The following BPIFA3 variants were observed in gnomAD, a reference collection of about 807,000 sequenced individuals.
BPIFA3 encodes BPI fold-containing family A member 3.
BPIFA3 carries 32 observed loss-of-function variants against 29.7 expected under a neutral mutation model. The ratio of observed to expected loss-of-function variants is 1.08; its 90% confidence interval spans 0.81 to 1.45. The LOEUF is 1.45. BPIFA3 is among the 40% of genes most tolerant of loss of function. The pLI is 0.00. For missense variants in BPIFA3, 323 were observed against 311.3 expected, an observed-to-expected ratio of 1.04 and a Z score of -0.28; for synonymous variants, 112 against 113.7, an observed-to-expected ratio of 0.98 and a Z score of 0.10.
At position 33,224,528 on chromosome 20, in the gene BPIFA3, G is replaced by C. The variant is rs1985685687; in HGVS notation, c.386+66G>C. 8 of 1,323,474 alleles carry C rather than the reference G, an allele frequency of 6.0e-6. No individual in the cohort carries two copies. In the South Asian group the frequency reaches 9.9e-5, roughly 16 times the overall value. 82.0% of individuals were successfully genotyped at this position (1,323,474 alleles called of 1,614,324 possible). A position where few individuals can be genotyped will look rare whatever the true frequency, so the allele number is the denominator to read the frequency against. The stretch of plus-strand genomic sequence containing the variant: ...CCTCGCAGGGAACCTGGGAAATTCA[G>C]ATCTTTCTGATCCCAACCTAAATTC... On this transcript the variant is annotated intron_variant, in intron 3 of 6. Transcript: ENST00000375454.
chr20:33,217,655 T>C lies in BPIFA3; in HGVS notation c.119T>C (p.Leu40Pro), dbSNP rs1371344271. 1 of 1,613,276 alleles carries C rather than the reference T, an allele frequency of 6.2e-7. No homozygotes were observed. ...GCCCACAGAGACAACAAATCCACCC[T>C]GGCAAGAAGTAAGCTAAGCCCCGGG... is the stretch of plus-strand genomic sequence containing the variant. ...AQAHRDNKST[L>P]ARIIAQGLIK... The change falls in exon 1 of 7, where the codon CTG becomes CCG. Residue 40 changes from leucine (L) to proline (P), a missense_variant. Physicochemically the swap from Leu to Pro is moderately conservative, Grantham distance 98. Transcript: ENST00000375454.
chr20:33,226,612 T>C, intron 5 of BPIFA3, 122 bp downstream of exon 5: 1 of 785,156 alleles, frequency 1.3e-6, no homozygotes, highest in East Asian at 2.6e-5. Context: ...AAATCTCAAT[T>C]TAAAATTTCA....
At position 33,227,592 on chromosome 20, in the gene BPIFA3, G is replaced by T; in HGVS notation, c.740G>T (p.Cys247Phe). The stretch of plus-strand genomic sequence containing the variant: ...CATGAAACCAGCCAACCCTCTGCAT[G>T]CCAGGCTGGAGAGTCCCCCAGCTGA... ...THHETSQPSACQAGESPS is the reference protein window; with the variant it reads ...THHETSQPSAFQAGESPS The change falls in exon 7 of 7, where the codon TGC becomes TTC. Residue 247 changes from cysteine to phenylalanine, a missense_variant. By Grantham distance (205) the Cys-to-Phe change is radical (BLOSUM62 -2). Coordinates refer to ENST00000375454, the MANE Select transcript of BPIFA3 (RefSeq NM_178466.5). 3 of 1,614,044 alleles carry T rather than the reference G, an allele frequency of 1.9e-6. No individual in the cohort carries two copies. The highest frequency in any genetic ancestry group is 2.5e-6 in the Non-Finnish European group (3 of 1,179,962).
intron 1 of BPIFA3, among the ~76,000 whole-genome samples, chr20:33,222,346 T>C (rs1300235148): frequency 2.0e-5 from 3 of 152,180 alleles, no homozygotes. Flanking sequence ...CAGAAAGGAA[T>C]TTTCCCCTCT....
rs745723283 is a variant in BPIFA3, at chr20:33,227,584, C to T, written c.732C>T (p.Pro244=). 1.9e-6 allele frequency: 3 copies of T among 1,614,128 alleles called. No homozygotes were observed. Among genetic ancestry groups the T allele is most frequent in the Non-Finnish European group, 2.5e-6 (3 of 1,180,000 alleles). The change falls in exon 7 of 7, where the codon CCC becomes CCT. Residue 244 remains proline (P), a synonymous_variant. Coordinates refer to ENST00000375454, the MANE Select transcript of BPIFA3 (RefSeq NM_178466.5). ...CAACCCACCATGAAACCAGCCAACC[C>T]TCTGCATGCCAGGCTGGAGAGTCCC... ...HEPTHHETSQ[P]SACQAGESPS is the part of the protein sequence containing the mutation.
At position 33,223,879 on chromosome 20, in the gene BPIFA3, C is replaced by T. The variant is rs774006719; in HGVS notation, c.196C>T (p.Leu66=). The part of the protein sequence containing the change: ...RIQNIHFGDR[L]NASAQVAPGL... Reference sequence around the variant, plus strand: ...TCAGAACATCCACTTTGGGGACAGACTGAATGCCTCAGCACAAGTGGCCCC... The same window carrying T: ...TCAGAACATCCACTTTGGGGACAGATTGAATGCCTCAGCACAAGTGGCCCC... Residue 66 remains leucine, a synonymous_variant, in exon 2 of 7, where the codon CTG becomes TTG. Transcript: ENST00000375454. 7.4e-6 allele frequency: 12 copies of T among 1,614,102 alleles called. No individual in the cohort carries two copies. The South Asian group carries it at 1.2e-4, about 16-fold the overall frequency.
intron 4 of BPIFA3, 51 bp downstream of exon 4, chr20:33,225,298 C>A (rs1214488606): frequency 1.2e-6 from 2 of 1,609,668 alleles, no homozygotes; most frequent in East Asian, 4.5e-5. Context: ...CCTGATGAGC[C>A]CCAGCTGCAG....
chr20:33,227,406 T>G, intron 6 of BPIFA3, 132 bp from the exon 7 acceptor site: 1 of 720,152 alleles, frequency 1.4e-6, no homozygotes, highest in African/African-American at 1.8e-5. Flanking sequence ...TTCAGCATCA[T>G]TTGGGGAGGG....
chr20:33,217,883 G>A (rs914742019), intron 1 of BPIFA3, among the ~76,000 whole-genome samples: 2 of 152,146 alleles, frequency 1.3e-5, no homozygotes, highest in African/African-American at 4.8e-5. Flanking sequence ...TCCCCCTTTT[G>A]TTTTATTTTC....
At chr20:33,226,355 A>G in intron 4 of BPIFA3, 51 bp from the exon 5 acceptor site, 2 of 1,347,724 alleles carry the variant, frequency 1.5e-6, no homozygotes, top group Non-Finnish European at 2.1e-6. Context: ...CCTGGCTTTA[A>G]TATTGCCTGG....
intron 4 of BPIFA3, 191 bp from the exon 5 acceptor site, chr20:33,226,215 C>T: frequency 1.8e-6 from 1 of 551,518 alleles, no homozygotes; most frequent in South Asian, 2.3e-5. Context: ...CTAATATAAC[C>T]AGCACTTATT....
intron 1 of BPIFA3, among the ~76,000 whole-genome samples, chr20:33,222,497 A>C (rs754400472): frequency 6.6e-6 from 1 of 152,210 alleles, no homozygotes; most frequent in African/African-American, 2.4e-5. Flanking sequence ...GAATAAAATC[A>C]GGGTTCAGAT....
Position 33,226,339 on chromosome 20 carries a change from A to G in BPIFA3, c.537-67A>G, listed in dbSNP as rs191833969. 2.4e-3 allele frequency: 2,776 copies of G among 1,168,506 alleles called. 7 individuals carry two copies. The highest frequency in any genetic ancestry group is 3.2e-3 in the Non-Finnish European group (2,532 of 785,522). 72.4% of individuals were successfully genotyped at this position (1,168,506 alleles called of 1,614,324 possible). The stretch of plus-strand genomic sequence containing the variant: ...AGACTGTGGAAAGTATACTCAACAC[A>G]TACCTCCTGGCTTTAATATTGCCTG... On this transcript the variant is annotated intron_variant, in intron 4 of 6. Transcript: ENST00000375454.
intron 2 of BPIFA3, 146 bp from the exon 3 acceptor site, chr20:33,224,209 G>A (rs1167669839): frequency 2.5e-6 from 2 of 802,054 alleles, no homozygotes; most frequent in South Asian, 1.8e-5. Flanking sequence ...CCTGACTCTT[G>A]CCCTCAGAGC....
At chr20:33,224,600 A>T in intron 3 of BPIFA3, 138 bp downstream of exon 3, 1 of 705,258 alleles carries the variant, frequency 1.4e-6, no homozygotes, top group Non-Finnish European at 2.5e-6. Context: ...TGGGCAAGTC[A>T]CTTCACCTCT....
intron 6 of BPIFA3, among the ~76,000 whole-genome samples, chr20:33,227,227 G>A (rs1373110725): frequency 6.6e-6 from 1 of 152,262 alleles, no homozygotes; most frequent in African/African-American, 2.4e-5. Context: ...AAGTCATCAG[G>A]TTACCAGAGA....
rs376235721 is a variant in BPIFA3, at chr20:33,225,114, A to G, written c.403A>G (p.Ile135Val). 8.7e-6 allele frequency: 14 copies of G among 1,613,980 alleles called. No homozygotes were observed. The East Asian group carries it at 2.0e-4, about 23-fold the overall frequency. ...CATCTGCAGGTCCTTCGATAACAAC[A>G]TCGTAAAGATGTGTGCACATATGAG... ...LELRPSFDNN[I>V]VKMCAHMSIV... The change falls in exon 4 of 7, where the codon ATC (isoleucine) becomes GTC (valine). Residue 135 changes from isoleucine (I) to valine (V), a missense_variant. Coordinates refer to ENST00000375454, the MANE Select transcript of BPIFA3 (RefSeq NM_178466.5).
intron 1 of BPIFA3, among the ~76,000 whole-genome samples, chr20:33,222,301 C>T (rs1266952537): frequency 6.6e-6 from 1 of 152,202 alleles, no homozygotes; most frequent in Non-Finnish European, 1.5e-5. Flanking sequence ...GCCATTGGCG[C>T]TATAGGCTGT....
chr20:33,226,295 G>T, intron 4 of BPIFA3, 111 bp from the exon 5 acceptor site: 1 of 777,354 alleles, frequency 1.3e-6, no homozygotes. Context: ...TTCTGGCATG[G>T]GGCTGAGTGA....
Sources: gnomAD v4.1 joint callset for allele counts (sites outside exome capture counted in the v4.1 genomes callset) on GRCh38, gnomAD v4.1.1 for gene constraint, MANE v1.5 for transcripts, NCBI Gene and HGNC (gene_info 2026-07-23, HGNC 2026-07-21) for gene names.